PRKN: variants seen among roughly 807,000 people sequenced by gnomAD.
PRKN encodes parkin RBR E3 ubiquitin protein ligase.
Under a neutral mutation model 59.5 loss-of-function variants are expected in PRKN, and 56 were observed. The ratio of observed to expected loss-of-function variants is 0.94; its 90% CI spans 0.76 to 1.18. The LOEUF is 1.18. PRKN is among the 50% of genes most tolerant of loss of function. The pLI is 0.00. For missense variants in PRKN, 657 were observed against 596.4 expected (o/e 1.10, Z -1.06); for synonymous variants, 250 against 222.1 (o/e 1.13, Z -1.12).
intron 1 of PRKN, among the ~76,000 whole-genome samples, chr6:162,469,352 G>C (rs1231569209): frequency 5.9e-5 from 5 of 84,778 alleles, no homozygotes; most frequent in African/African-American, 1.2e-4. Context: ...GGGGTTGCAG[G>C]GGGGGGTGGG....
At chr6:162,413,649 T>C (rs1184593119) in intron 2 of PRKN, among the ~76,000 whole-genome samples, 5 of 152,230 alleles carry the variant, frequency 3.3e-5, no homozygotes, top group South Asian at 4.1e-4. Context: ...TCTTCTAACA[T>C]TGCCGCTATT....
intron 2 of PRKN, among the ~76,000 whole-genome samples, chr6:162,427,227 G>A (rs1053348364): frequency 2.0e-5 from 3 of 152,192 alleles, no homozygotes; most frequent in African/African-American, 7.2e-5. Context: ...ATAATTGGGA[G>A]TTAAATTGTT....
intron 5 of PRKN, among the ~76,000 whole-genome samples, chr6:162,002,824 A>T (rs984424789): frequency 4.6e-5 from 7 of 152,020 alleles, no homozygotes; most frequent in Non-Finnish European, 8.8e-5. Flanking sequence ...TTAATAAGTT[A>T]TATTTTCATT....
chr6:161,754,824 G>A (rs1788845307), intron 7 of PRKN, among the ~76,000 whole-genome samples: 1 of 152,200 alleles, frequency 6.6e-6, no homozygotes, highest in Admixed American at 6.5e-5. Context: ...CAACTGTCGT[G>A]GTGCCAGATG....
At chr6:162,294,221 G>C (rs1035530738) in intron 2 of PRKN, among the ~76,000 whole-genome samples, 2 of 152,106 alleles carry the variant, frequency 1.3e-5, no homozygotes, top group Non-Finnish European at 1.5e-5. Flanking sequence ...CCCTTGGCCA[G>C]GCTCCAAGTA....
intron 2 of PRKN, among the ~76,000 whole-genome samples, chr6:162,403,465 A>G (rs554245222): frequency 6.6e-5 from 10 of 152,258 alleles, no homozygotes; most frequent in African/African-American, 2.2e-4. Flanking sequence ...TCTACAGCAT[A>G]TATCACCATC....
Position 161,549,036 on chromosome 6 carries a change from AACTG to A in PRKN, c.934-37_934-34del, listed in dbSNP as rs1355950224. On this transcript the variant is annotated intron_variant, in intron 8 of 11. Coordinates refer to ENST00000366898, the MANE Select transcript of PRKN (RefSeq NM_004562.3). This position sits in a 1 kb window ranked among gnomAD's most constrained non-coding sequence, Gnocchi z 6.0. ...ACCCAAAAAGCAGATTGAGCTTTCA[AACTG>A]ACTGCAAATTTCAGCCAAAGGGTTA... 1 of 1,613,758 alleles carries A rather than the reference AACTG, an allele frequency of 6.2e-7. No homozygotes were observed. Among genetic ancestry groups the A allele is most frequent in the Admixed American group, 1.7e-5 (1 of 60,030 alleles).
intron 4 of PRKN, among the ~76,000 whole-genome samples, chr6:162,094,284 G>A (rs907549814): frequency 1.3e-5 from 2 of 152,072 alleles, no homozygotes; most frequent in African/African-American, 4.8e-5. Flanking sequence ...GAGCCCAGGA[G>A]TTCAAGACAA....
At chr6:162,109,863 A>T (rs1780347739) in intron 4 of PRKN, among the ~76,000 whole-genome samples, 1 of 152,198 alleles carries the variant, frequency 6.6e-6, no homozygotes, top group Admixed American at 6.5e-5. Flanking sequence ...ATTGGACATT[A>T]CTCAGGATCT....
At chr6:162,228,779 T>C (rs990720500) in intron 3 of PRKN, among the ~76,000 whole-genome samples, 2 of 152,196 alleles carry the variant, frequency 1.3e-5, no homozygotes, top group African/African-American at 4.8e-5. Context: ...TTACAAACAT[T>C]ATTTCCAGGT....
At chr6:162,243,140 C>T (rs956007351) in intron 3 of PRKN, among the ~76,000 whole-genome samples, 1 of 152,036 alleles carries the variant, frequency 6.6e-6, no homozygotes, top group Non-Finnish European at 1.5e-5. Context: ...CAATAAATTA[C>T]CAGTGTGTGT....
chr6:161,806,793 A>G (rs1440939581), intron 6 of PRKN, among the ~76,000 whole-genome samples: 2 of 152,228 alleles, frequency 1.3e-5, no homozygotes, highest in African/African-American at 2.4e-5. Flanking sequence ...TTAGAAATAG[A>G]AAACACAGAC....
chr6:161,781,385 A>G (rs1336995599), intron 7 of PRKN, among the ~76,000 whole-genome samples: 1 of 152,206 alleles, frequency 6.6e-6, no homozygotes, highest in Non-Finnish European at 1.5e-5. Flanking sequence ...CTTTCCATCC[A>G]TTCATCCCTG....
intron 1 of PRKN, among the ~76,000 whole-genome samples, chr6:162,572,166 C>T (rs931794402): frequency 2.0e-5 from 3 of 152,106 alleles, no homozygotes; most frequent in African/African-American, 4.8e-5. Flanking sequence ...TGAATGTCCA[C>T]GTAGGTTCTG....
chr6:161,596,419 G>A (rs912555282), intron 7 of PRKN, among the ~76,000 whole-genome samples: 21 of 152,130 alleles, frequency 1.4e-4, no homozygotes, highest in African/African-American at 5.1e-4. Flanking sequence ...TTATTGTATA[G>A]GAAAACAACT....
At chr6:161,717,686 C>CAA (rs1356251557) in intron 7 of PRKN, among the ~76,000 whole-genome samples, 3 of 152,232 alleles carry the variant, frequency 2.0e-5, no homozygotes, top group South Asian at 4.1e-4. Context: ...TAACATCTCA[C>CAA]ATTTGAATTA....
chr6:161,409,894 A>C lies in PRKN; in HGVS notation c.1084-23017T>G, dbSNP rs1358032352. On this transcript the variant is annotated intron_variant, in intron 9 of 11. Transcript: ENST00000366898. The surrounding 1 kb of genome is among the most constrained non-coding windows in gnomAD (Gnocchi z 4.6). ...TCTGAGTAGCAGATCCATTCTCATA[A>C]AGTTTACCCTGTCTTGCTTTTCAGG... Among the ~76,000 whole-genome samples the C allele has an allele frequency of 6.6e-6, 1 of 152,132 alleles. No individual in the cohort carries two copies. Among genetic ancestry groups the C allele is most frequent in the African/African-American group, 2.4e-5 (1 of 41,402 alleles).
intron 1 of PRKN, among the ~76,000 whole-genome samples, chr6:162,548,024 G>A (rs1779185241): frequency 6.7e-6 from 1 of 149,936 alleles, no homozygotes; most frequent in African/African-American, 2.4e-5. Flanking sequence ...TCCTGACACT[G>A]GAAGGTGGCC....
intron 7 of PRKN, among the ~76,000 whole-genome samples, chr6:161,617,533 A>C (rs1180391549): frequency 6.6e-6 from 1 of 152,282 alleles, no homozygotes; most frequent in Non-Finnish European, 1.5e-5. Flanking sequence ...TTGAGGTTTT[A>C]GACTCAATTA....
Sources: allele counts gnomAD v4.1 joint callset (sites outside exome capture counted in the v4.1 genomes callset), GRCh38; gene constraint gnomAD v4.1.1; non-coding constraint Gnocchi (gnomAD v3.1); transcripts MANE v1.5; gene names NCBI Gene and HGNC (gene_info 2026-07-23, HGNC 2026-07-21).